The following DNAH8 variants were observed in gnomAD, a reference collection of about 807,000 sequenced individuals.
The protein encoded by DNAH8 is axonemal beta dynein heavy chain 8.
In DNAH8, 382 loss-of-function variants were observed where a neutral mutation model predicts 562.1. The ratio of observed to expected loss-of-function variants is 0.68; its 90% confidence interval spans 0.63 to 0.74. The LOEUF is 0.74. DNAH8 is among the 30% of genes least tolerant of loss of function. DNAH8 has a pLI of 0.00. For missense variants in DNAH8, 5,203 were observed against 5,620.4 expected, an observed-to-expected ratio of 0.93 and a Z score of 2.37; for synonymous variants, 1,881 against 1,919.4, an observed-to-expected ratio of 0.98 and a Z score of 0.52.
Position 39,026,601 on chromosome 6 carries a change from G to T in DNAH8, c.13770G>T (p.Leu4590=), listed in dbSNP as rs891689910. ...CCCGTGCCCACAAAGGCTGGGCACT[G>T]GACACTGTGACCATCCACAATGAAG... ...EVTRAHKGWA[L]DTVTIHNEVL... The change falls in exon 92 of 93, where the codon CTG becomes CTT. Residue 4590 remains leucine, a synonymous_variant. Coordinates refer to ENST00000327475, the MANE Select transcript of DNAH8 (RefSeq NM_001206927.2). 1 of 1,613,462 alleles carries T rather than the reference G, an allele frequency of 6.2e-7. No individual in the cohort carries two copies. The highest frequency in any genetic ancestry group is 8.5e-7 in the Non-Finnish European group (1 of 1,179,828).
intron 54 of DNAH8, 75 bp downstream of exon 54, chr6:38,883,127 C>T: frequency 7.1e-7 from 1 of 1,411,638 alleles, no homozygotes; most frequent in East Asian, 2.4e-5. Context: ...ATATTTTCTT[C>T]CAGCACTTTT....
At chr6:38,854,277 C>T (rs1353026709) in intron 41 of DNAH8, among the ~76,000 whole-genome samples, 1 of 152,142 alleles carries the variant, frequency 6.6e-6, no homozygotes, top group Non-Finnish European at 1.5e-5. Context: ...GGTTTCATTA[C>T]ACTTTCATTC....
chr6:39,014,326 G>A (rs1766424719), intron 91 of DNAH8, among the ~76,000 whole-genome samples: 1 of 152,266 alleles, frequency 6.6e-6, no homozygotes, highest in South Asian at 2.1e-4. Context: ...GTCTACTTAT[G>A]AGTCTCTTTC....
intron 88 of DNAH8, among the ~76,000 whole-genome samples, chr6:39,003,126 A>G (rs1765590567): frequency 6.6e-6 from 1 of 152,196 alleles, no homozygotes; most frequent in Non-Finnish European, 1.5e-5. Context: ...AAGCCTGGTT[A>G]ACTTTCCCAG....
In DNAH8 at chr6:38,828,196, A is replaced by G; in HGVS notation, c.4096A>G (p.Ile1366Val). 1.9e-6 allele frequency: 3 copies of G among 1,591,744 alleles called. No homozygotes were observed. Among genetic ancestry groups the G allele is most frequent in the Middle Eastern group, 1.7e-4 (1 of 6,028 alleles). Reference protein sequence around the residue: ...TLGPIEEAYAILNRFEVEVTK... With the variant: ...TLGPIEEAYAVLNRFEVEVTK... ...CTTCATCCTGCAGGAAGCCTATGCT[A>G]TTTTAAACAGATTTGAAGTTGAAGT... Residue 1366 changes from isoleucine (I) to valine (V), a missense_variant, in exon 30 of 93, where the codon ATT (isoleucine) becomes GTT (valine). Around this residue, in one of 6 missense-constraint regions of DNAH8, gnomAD observed 2,176 missense variants for 2,365.1 expected, o/e 0.92. Coordinates refer to ENST00000327475, the MANE Select transcript of DNAH8 (RefSeq NM_001206927.2).
intron 7 of DNAH8, among the ~76,000 whole-genome samples, 169 bp from the exon 8 acceptor site, chr6:38,741,542 T>G (rs1015578818): frequency 1.3e-5 from 2 of 152,124 alleles, no homozygotes; most frequent in African/African-American, 4.8e-5. Context: ...GTAGATAGTA[T>G]CTATCATATT....
At chr6:38,878,922 A>C (rs926346233) in intron 53 of DNAH8, among the ~76,000 whole-genome samples, 1 of 152,200 alleles carries the variant, frequency 6.6e-6, no homozygotes, top group African/African-American at 2.4e-5. Flanking sequence ...ATAATTCCAC[A>C]TGATACGTTA....
rs568548870 is a variant in DNAH8 at position 38,910,619 on chromosome 6, TTTACC to T, written c.9741-846_9741-842del. Among the ~76,000 whole-genome samples, 822 of 152,306 alleles carry T rather than the reference TTTACC, an allele frequency of 5.4e-3. 4 individuals are homozygous for T. The highest frequency in any genetic ancestry group is 7.0e-3 in the Non-Finnish European group (477 of 68,024). On this transcript the variant is annotated intron_variant, in intron 65 of 92. Coordinates refer to ENST00000327475, the MANE Select transcript of DNAH8 (RefSeq NM_001206927.2). ...CTAATGTCATCCATGGAGATAAATT[TTTACC>T]TTTGTGCAGCTACAAAAATCTGTTT... is the stretch of plus-strand genomic sequence containing the variant.
intron 11 of DNAH8, among the ~76,000 whole-genome samples, chr6:38,768,436 T>C (rs1402173995): frequency 1.3e-5 from 2 of 151,978 alleles, no homozygotes; most frequent in Admixed American, 1.3e-4. Flanking sequence ...CTTGGGTAAT[T>C]TTTTTATTTT....
intron 8 of DNAH8, among the ~76,000 whole-genome samples, chr6:38,743,813 T>G (rs1001966975): frequency 5.9e-5 from 9 of 152,238 alleles, no homozygotes; most frequent in African/African-American, 2.2e-4. Context: ...CAATTATGCA[T>G]AACGCTGCTA....
chr6:39,024,475 C>T (rs1031806676), intron 91 of DNAH8, among the ~76,000 whole-genome samples: 1 of 152,078 alleles, frequency 6.6e-6, no homozygotes, highest in Admixed American at 6.6e-5. Context: ...GTCATATATA[C>T]CATTGACTGG....
chr6:38,943,066 C>T (rs1021203592), intron 79 of DNAH8, among the ~76,000 whole-genome samples: 1 of 152,176 alleles, frequency 6.6e-6, no homozygotes, highest in Non-Finnish European at 1.5e-5. Flanking sequence ...GAGAACTATA[C>T]TGTATAGGGC....
intron 26 of DNAH8, among the ~76,000 whole-genome samples, chr6:38,816,067 AT>A (rs1049118324): frequency 4.9e-5 from 2 of 40,440 alleles, no homozygotes; most frequent in African/African-American, 3.3e-4. Flanking sequence ...ATTTTGTTTT[AT>A]TTTATTTTAT....
chr6:38,984,460 GCACACACATGCACACACACACACACA>G (rs1764238852), intron 87 of DNAH8, 153 bp downstream of exon 87: 2 of 561,504 alleles, frequency 3.6e-6, no homozygotes, highest in African/African-American at 4.7e-5. Context: ...TTACACACAC[GCACACACATGCACACACACACACACA>G]CACACACACA....
intron 76 of DNAH8, among the ~76,000 whole-genome samples, chr6:38,933,651 G>T (rs1782728637): frequency 6.6e-6 from 1 of 152,194 alleles, no homozygotes; most frequent in Admixed American, 6.5e-5. Flanking sequence ...TAATGAAAAT[G>T]ACTAACTGGT....
At chr6:39,029,136 G>T (rs1055348809) in intron 92 of DNAH8, among the ~76,000 whole-genome samples, 2 of 152,090 alleles carry the variant, frequency 1.3e-5, no homozygotes, top group South Asian at 4.2e-4. Context: ...CTTCAGCTTA[G>T]CACCCAGATC....
rs754477580 is a variant in DNAH8, at chr6:38,951,909, G to A, written c.12451+389G>A. Reference sequence around the variant, plus strand: ...AAATTAAAAAACTATAACCATTATTGTAATGCATAGTAGTTAGGGATTAAT... The same window carrying A: ...AAATTAAAAAACTATAACCATTATTATAATGCATAGTAGTTAGGGATTAAT... On this transcript the variant is annotated intron_variant, in intron 82 of 92. Transcript: ENST00000327475. 1.5e-4 allele frequency among the ~76,000 whole-genome samples: 23 copies of A among 152,112 alleles called. 1 individual carries two copies. The highest frequency in any genetic ancestry group is 2.6e-4 in the Non-Finnish European group (18 of 68,026).
rs962926737 is a variant in DNAH8, at chr6:38,990,026, G to C, written c.13068G>C (p.Glu4356Asp). 3.1e-6 allele frequency: 5 copies of C among 1,594,918 alleles called. No individual in the cohort carries two copies. In the African/African-American group the frequency reaches 6.7e-5, roughly 21 times the overall value. Residue 4356 changes from glutamate to aspartate, a missense_variant, in exon 88 of 93, where the codon GAG becomes GAC. Glu to Asp is a conservative substitution (Grantham distance 45). This residue lies in a region of DNAH8 where 1,399 missense variants were observed against 1,518.4 expected (regional missense o/e 0.92). Coordinates refer to ENST00000327475, the MANE Select transcript of DNAH8 (RefSeq NM_001206927.2). ...LNCFARVWFS[E>D]KMFEPSFCFY... ...CTCACATACAGGTCTGGTTCAGTGA[G>C]AAGATGTTTGAACCGTCATTCTGCT...
Position 38,822,988 on chromosome 6 carries a change from A to C in DNAH8, c.3674A>C (p.Gln1225Pro). Reference protein sequence around the residue: ...KAAHEALQDFQKYKTLWTEDR... With the variant: ...KAAHEALQDFPKYKTLWTEDR... Reference sequence around the variant, plus strand: ...GCTCATGAGGCCCTGCAGGACTTTCAGAAGTACAAGACTCTCTGGACAGAG... The same window carrying C: ...GCTCATGAGGCCCTGCAGGACTTTCCGAAGTACAAGACTCTCTGGACAGAG... Residue 1225 changes from glutamine to proline, a missense_variant, in exon 27 of 93, where the codon CAG becomes CCG. By Grantham distance (76) the Gln-to-Pro change is moderately conservative. Coordinates refer to ENST00000327475, the MANE Select transcript of DNAH8 (RefSeq NM_001206927.2). The C allele has an allele frequency of 6.2e-7, 1 of 1,610,340 alleles. No individual in the cohort carries two copies. Among genetic ancestry groups the C allele is most frequent in the Non-Finnish European group, 8.5e-7 (1 of 1,178,964 alleles).
Sources: allele counts gnomAD v4.1 joint callset (sites outside exome capture counted in the v4.1 genomes callset), GRCh38; gene constraint gnomAD v4.1.1; regional missense constraint gnomAD v4.1.1; transcripts MANE v1.5; gene names NCBI Gene and HGNC (gene_info 2026-07-23, HGNC 2026-07-21).